BARD1: variants seen among roughly 807,000 people sequenced by gnomAD.
The protein encoded by BARD1 is BRCA1 associated RING domain 1, also known as BRCA1-associated RING domain protein 1.
BARD1 carries 73 observed loss-of-function variants against 77.0 expected under a neutral mutation model. The ratio of observed to expected loss-of-function variants is 0.95; its 90% CI spans 0.79 to 1.15. BARD1 has a LOEUF of 1.15. BARD1 is among the 50% of genes most tolerant of loss of function. The probability of loss-of-function intolerance (pLI) is 0.00; values close to 1 mark genes in which losing one functional copy is unlikely to be tolerated. For missense variants in BARD1, 993 were observed against 938.8 expected, an observed-to-expected ratio of 1.06 and a Z score of -0.75; for synonymous variants, 384 against 338.0, an observed-to-expected ratio of 1.14 and a Z score of -1.49.
In BARD1 at chr2:214,760,783, T is replaced by TC. The variant is rs540950211; in HGVS notation, c.1568+6698_1568+6699insG. Among the ~76,000 whole-genome samples the TC allele has an allele frequency of 7.3e-3, 1,101 of 151,584 alleles. 13 individuals carry two copies. The highest frequency in any genetic ancestry group is 8.5e-3 in the Non-Finnish European group (577 of 67,806). ...ACAGTTCACAGGGACTTTTTTCTTT[T>TC]TTTTTTTTTTAGATGGAGTCTCGCT... On this transcript the variant is annotated intron_variant, in intron 6 of 10. Transcript: ENST00000260947.
At chr2:214,766,655 T>C (rs1694209835) in intron 6 of BARD1, among the ~76,000 whole-genome samples, 1 of 152,170 alleles carries the variant, frequency 6.6e-6, no homozygotes. Flanking sequence ...AAGTTTCTTA[T>C]AAAAGATGGC....
chr2:214,782,366 G>A (rs577041963), intron 3 of BARD1, among the ~76,000 whole-genome samples: 62 of 152,188 alleles, frequency 4.1e-4, no homozygotes, highest in African/African-American at 1.4e-3. Context: ...GAAAAGTAGT[G>A]ACTGAAAGGG....
At chr2:214,742,667 G>A (rs1052388833) in intron 9 of BARD1, among the ~76,000 whole-genome samples, 1 of 152,062 alleles carries the variant, frequency 6.6e-6, no homozygotes, top group Admixed American at 6.6e-5. Context: ...AAACGACACG[G>A]CCAAGATATT....
chr2:214,768,539 C>A (rs1694322162), intron 5 of BARD1, among the ~76,000 whole-genome samples: 1 of 151,232 alleles, frequency 6.6e-6, no homozygotes, highest in Admixed American at 6.6e-5. Context: ...CTTTCTTGCA[C>A]CTAGCCTACT....
At chr2:214,738,580 A>T (rs2106004896) in intron 9 of BARD1, among the ~76,000 whole-genome samples, 1 of 152,288 alleles carries the variant, frequency 6.6e-6, no homozygotes, top group Non-Finnish European at 1.5e-5. Context: ...TGCATGGACC[A>T]CTGATGATGG....
Position 214,802,552 on chromosome 2 carries a change from G to C in BARD1, c.159-5435C>G, listed in dbSNP as rs1394455855. The stretch of plus-strand genomic sequence containing the variant: ...TCTTGAAATTAGACTCCAGCCCTAA[G>C]ACAAGAGATCTTAACTTTCATTTTT... On this transcript the variant is annotated intron_variant, in intron 1 of 10. Transcript: ENST00000260947. 3.3e-5 allele frequency among the ~76,000 whole-genome samples: 5 copies of C among 152,024 alleles called. No homozygotes were observed. The East Asian group carries it at 9.6e-4, about 29-fold the overall frequency.
At chr2:214,784,927 A>T (rs902601247) in intron 3 of BARD1, among the ~76,000 whole-genome samples, 1 of 152,008 alleles carries the variant, frequency 6.6e-6, no homozygotes, top group Admixed American at 6.6e-5. Flanking sequence ...CCTAATGTAC[A>T]TGACAGGTTG....
At chr2:214,751,227 G>A (rs954246811) in intron 7 of BARD1, among the ~76,000 whole-genome samples, 31 of 133,670 alleles carry the variant, frequency 2.3e-4, no homozygotes, top group African/African-American at 7.9e-4. Flanking sequence ...GCCTGATCTC[G>A]GCTCACTGCA....
intron 6 of BARD1, among the ~76,000 whole-genome samples, chr2:214,763,527 A>C (rs1449252770): frequency 6.6e-6 from 1 of 152,184 alleles, no homozygotes; most frequent in African/African-American, 2.4e-5. Context: ...GCTAGAGCTA[A>C]AGGAGGCCAC....
intron 6 of BARD1, among the ~76,000 whole-genome samples, chr2:214,754,131 T>TA (rs1249464777): frequency 4.6e-5 from 7 of 152,066 alleles, no homozygotes; most frequent in Admixed American, 1.3e-4. Flanking sequence ...CTCACCCACA[T>TA]ATGCTATACA....
chr2:214,789,987 G>A (rs570298328), intron 3 of BARD1, among the ~76,000 whole-genome samples: 14 of 152,042 alleles, frequency 9.2e-5, no homozygotes, highest in Non-Finnish European at 1.0e-4. Flanking sequence ...GAGAAAGACC[G>A]CATTCTTAAA....
At chr2:214,771,924 G>GAAAAAAAAAAAAA (rs10602414) in intron 4 of BARD1, among the ~76,000 whole-genome samples, 3 of 107,158 alleles carry the variant, frequency 2.8e-5, no homozygotes, top group South Asian at 3.0e-4. Context: ...CCAGTTTCAG[G>GAAAAAAAAAAAAA]AAAAAAAAAA....
chr2:214,751,140 TATATA>T (rs1693417640), intron 7 of BARD1, among the ~76,000 whole-genome samples: 11 of 45,818 alleles, frequency 2.4e-4, no homozygotes, highest in Admixed American at 1.1e-3. Flanking sequence ...TATATATATA[TATATA>T]TATATATTTT....
chr2:214,743,833 T>G (rs1692964734), intron 9 of BARD1, among the ~76,000 whole-genome samples: 1 of 152,154 alleles, frequency 6.6e-6, no homozygotes, highest in African/African-American at 2.4e-5. Flanking sequence ...GTGCTAAGAT[T>G]ACAGGCATGA....
intron 2 of BARD1, among the ~76,000 whole-genome samples, chr2:214,795,866 T>C (rs1313536562): frequency 6.6e-6 from 1 of 152,086 alleles, no homozygotes; most frequent in African/African-American, 2.4e-5. Flanking sequence ...TCTTTCATCA[T>C]CCAAACAGAC....
chr2:214,728,554 A>G lies in BARD1; in HGVS notation c.*122T>C. ...GCATTAGACTTTTTTTTTTTTTTTG[A>G]TTCAAAGACAAATATGAATGACTCT... On this transcript the variant is annotated 3_prime_UTR_variant, in exon 11 of 11. Transcript: ENST00000260947. The G allele has an allele frequency of 6.0e-6, 3 of 497,410 alleles. No homozygotes were observed. Among genetic ancestry groups the G allele is most frequent in the Non-Finnish European group, 6.0e-6 (2 of 333,480 alleles). 30.8% of individuals were successfully genotyped at this position (497,410 alleles called of 1,614,324 possible).
At position 214,730,523 on chromosome 2, in the gene BARD1, A is replaced by G. The variant is rs747735614; in HGVS notation, c.1904-15T>C. The G allele has an allele frequency of 2.3e-5, 36 of 1,596,308 alleles. No individual in the cohort carries two copies. Among genetic ancestry groups the G allele is most frequent in the Non-Finnish European group, 2.8e-5 (33 of 1,164,080 alleles). On this transcript the variant is annotated splice_polypyrimidine_tract_variant and intron_variant, in intron 9 of 10. Coordinates refer to ENST00000260947, the MANE Select transcript of BARD1 (RefSeq NM_000465.4). ...TGCTTTTACCCCTGACAAAAACACA[A>G]GAATTAAAGCAAACTAAGTATCAAG...
At chr2:214,752,115 A>G (rs1693482605) in intron 7 of BARD1, among the ~76,000 whole-genome samples, 1 of 151,746 alleles carries the variant, frequency 6.6e-6, no homozygotes, top group East Asian at 1.9e-4. Flanking sequence ...AAGTGTCTGA[A>G]ATTATTTTAT....
chr2:214,745,101 C>A lies in BARD1; in HGVS notation c.1869G>T (p.Gly623=). 1.2e-6 allele frequency: 2 copies of A among 1,614,030 alleles called. No individual in the cohort carries two copies. Reference sequence around the variant, plus strand: ...TTAGAATCCAGCATCCATTGAGAATCCCAAGCATACACTTCAAGGTACTTT... The same window carrying A: ...TTAGAATCCAGCATCCATTGAGAATACCAAGCATACACTTCAAGGTACTTT... ...AVQSTLKCML[G]ILNGCWILKF... The change falls in exon 9 of 11, where the codon GGG becomes GGT. Residue 623 remains glycine (G), a synonymous_variant. Coordinates refer to ENST00000260947, the MANE Select transcript of BARD1 (RefSeq NM_000465.4).
Sources: gnomAD v4.1 joint callset for allele counts (sites outside exome capture counted in the v4.1 genomes callset) on GRCh38, gnomAD v4.1.1 for gene constraint, MANE v1.5 for transcripts, NCBI Gene and HGNC (gene_info 2026-07-23, HGNC 2026-07-21) for gene names.